The following RRBP1 variants were observed in gnomAD, a reference collection of about 807,000 sequenced individuals.
The protein encoded by RRBP1 is ribosome binding protein 1, also known as ribosome-binding protein 1.
A neutral mutation model predicts 165.2 loss-of-function variants in RRBP1; 94 were observed. That is an observed-to-expected ratio of 0.57 (90% CI 0.48 to 0.68). The LOEUF is 0.68. Among genes scored for constraint, RRBP1 ranks in the 30% least tolerant of loss-of-function variants. The pLI, the probability that RRBP1 is intolerant of heterozygous loss-of-function variation, is 0.00. For synonymous variants in RRBP1, 680 were observed against 714.5 expected (o/e 0.95, Z 0.77); for missense variants, 1,676 against 1,763.0 (o/e 0.95, Z 0.88).
Position 17,614,111 on chromosome 20 carries a change from G to T in RRBP1, c.*71C>A. On this transcript the variant is annotated 3_prime_UTR_variant, in exon 25 of 25. Coordinates refer to ENST00000377813, the MANE Select transcript of RRBP1 (RefSeq NM_001365613.2). ...CTGGATAACGCTGTGTAGGTTGGTT[G>T]GTTTATTTGTAAGGAATGTGTAAGG... The T allele has an allele frequency of 6.7e-7, 1 of 1,484,918 alleles. No homozygotes were observed. The highest frequency in any genetic ancestry group is 1.1e-5 in the South Asian group (1 of 88,384). 92.0% of individuals were successfully genotyped at this position (1,484,918 alleles called of 1,614,324 possible). A position where few individuals can be genotyped will look rare whatever the true frequency, so the allele number is the denominator to read the frequency against.
intron 5 of RRBP1, among the ~76,000 whole-genome samples, chr20:17,639,963 C>G (rs1014009785): frequency 5.3e-5 from 8 of 151,466 alleles, no homozygotes; most frequent in African/African-American, 7.3e-5. Flanking sequence ...ACAGAGAGCA[C>G]GAGCACAGGG....
intron 3 of RRBP1, among the ~76,000 whole-genome samples, chr20:17,657,929 C>T (rs939445529): frequency 6.6e-5 from 10 of 152,232 alleles, no homozygotes; most frequent in Non-Finnish European, 1.3e-4. Context: ...CCGAGTCAGG[C>T]TGCACAAAAG....
At chr20:17,637,043 G>A (rs2122337465) in intron 5 of RRBP1, among the ~76,000 whole-genome samples, 1 of 152,208 alleles carries the variant, frequency 6.6e-6, no homozygotes, top group East Asian at 1.9e-4. Flanking sequence ...GCACTGGCTC[G>A]GCCCTGCTGT....
chr20:17,671,868 T>TC (rs572280844), intron 2 of RRBP1, among the ~76,000 whole-genome samples: 124 of 152,336 alleles, frequency 8.1e-4, no homozygotes, highest in African/African-American at 2.9e-3. Flanking sequence ...GTCCAGGCCA[T>TC]CCAGCAAGTT....
intron 21 of RRBP1, 131 bp from the exon 22 acceptor site, chr20:17,616,140 G>A: frequency 2.7e-6 from 2 of 739,260 alleles, no homozygotes; most frequent in East Asian, 2.8e-5. Context: ...TCCCCTCGTT[G>A]GGGAGAGGGC....
rs972549218 is a variant in RRBP1, at chr20:17,614,735, A to C, written c.4194+2T>G. On this transcript the variant is annotated splice_donor_variant, in intron 24 of 24. Transcript: ENST00000377813. LOFTEE classifies it high-confidence loss of function. ...CGCCCTGCTTTGGCGCCAGGCACGC[A>C]CTGCCTTTTCCAGCTGTTCCTGCAG... 2 of 1,611,438 alleles carry C rather than the reference A, an allele frequency of 1.2e-6. No individual in the cohort carries two copies. The highest frequency in any genetic ancestry group is 3.3e-5 in the Admixed American group (2 of 60,018).
chr20:17,648,520 C>A (rs968716067), intron 3 of RRBP1, among the ~76,000 whole-genome samples: 2 of 152,246 alleles, frequency 1.3e-5, no homozygotes, highest in Non-Finnish European at 2.9e-5. Context: ...ATGCCACGAA[C>A]GGTCACATCC....
chr20:17,616,870 C>T, intron 20 of RRBP1, 31 bp from the exon 21 acceptor site: 1 of 1,526,922 alleles, frequency 6.5e-7, no homozygotes, highest in South Asian at 1.1e-5. Context: ...TTTGCAAATG[C>T]ACAGCCAGTC....
At chr20:17,627,716 G>A in intron 9 of RRBP1, 34 bp from the exon 10 acceptor site, 1 of 1,553,316 alleles carries the variant, frequency 6.4e-7, no homozygotes, top group Non-Finnish European at 8.7e-7. Context: ...GAAGTTAAGA[G>A]ACTGCAAACC....
rs1568781157 is a variant in RRBP1 at position 17,658,888 on chromosome 20, T to A, written c.1620A>T (p.Gly540=). The A allele has an allele frequency of 6.2e-7, 1 of 1,613,540 alleles. No homozygotes were observed. Among genetic ancestry groups the A allele is most frequent in the East Asian group, 2.2e-5 (1 of 44,884 alleles). The change falls in exon 3 of 25, where the codon GGA becomes GGT. Residue 540 remains glycine, a synonymous_variant. Transcript: ENST00000377813. ...AERSPNQGKK[G]EGAPIQGKKA... is the part of the protein sequence containing the mutation. ...TTTTGCCCTGGATGGGAGCTCCCTCTCCTTTTTTGCCTTGGTTGGGACTCC... is the reference window on the plus strand; with the variant it reads ...TTTTGCCCTGGATGGGAGCTCCCTCACCTTTTTTGCCTTGGTTGGGACTCC...
intron 3 of RRBP1, among the ~76,000 whole-genome samples, chr20:17,657,092 T>C (rs898748696): frequency 6.6e-6 from 1 of 152,258 alleles, no homozygotes; most frequent in Non-Finnish European, 1.5e-5. Context: ...TGGACATGCC[T>C]GATGTGGAAG....
At position 17,621,501 on chromosome 20, in the gene RRBP1, A is replaced by G; in HGVS notation, c.3371T>C (p.Leu1124Pro). The G allele has an allele frequency of 6.2e-7, 1 of 1,612,952 alleles. No individual in the cohort carries two copies. Among genetic ancestry groups the G allele is most frequent in the Non-Finnish European group, 8.5e-7 (1 of 1,179,994 alleles). The change falls in exon 16 of 25, where the codon CTG becomes CCG. Residue 1124 changes from leucine to proline, a missense_variant. By Grantham distance (98) the Leu-to-Pro change is moderately conservative. Coordinates refer to ENST00000377813, the MANE Select transcript of RRBP1 (RefSeq NM_001365613.2). ...GCGGTACTGGTCACACTCGGCCTGCAGTGTGCTCTGCGTCTCCTCGGCCTC... is the reference window on the plus strand; with the variant it reads ...GCGGTACTGGTCACACTCGGCCTGCGGTGTGCTCTGCGTCTCCTCGGCCTC... ...LREAEETQSTLQAECDQYRSI... is the reference protein window; with the variant it reads ...LREAEETQSTPQAECDQYRSI...
chr20:17,641,156 CA>C (rs1163447131), intron 5 of RRBP1, among the ~76,000 whole-genome samples: 1 of 152,238 alleles, frequency 6.6e-6, no homozygotes, highest in Non-Finnish European at 1.5e-5. Context: ...GTGAATTCTG[CA>C]GTGGGAAGAA....
rs192767127 is a variant in RRBP1, at chr20:17,622,277, G to A, written c.3148-330C>T. The stretch of plus-strand genomic sequence containing the variant: ...CAGCTCTCACTTCCCGAGCTCTCTG[G>A]GCATGTGTGCATGTGTGGGGGAATT... On this transcript the variant is annotated intron_variant, in intron 13 of 24. Coordinates refer to ENST00000377813, the MANE Select transcript of RRBP1 (RefSeq NM_001365613.2). Among the ~76,000 whole-genome samples, 148 of 152,290 alleles carry A rather than the reference G, an allele frequency of 9.7e-4. 1 individual carries two copies. Among genetic ancestry groups the A allele is most frequent in the Non-Finnish European group, 1.7e-3 (116 of 68,022 alleles).
At chr20:17,639,667 G>C (rs925439351) in intron 5 of RRBP1, among the ~76,000 whole-genome samples, 2 of 152,196 alleles carry the variant, frequency 1.3e-5, no homozygotes, top group Admixed American at 1.3e-4. Flanking sequence ...GCCGAGGTGG[G>C]CGGATCACCT....
chr20:17,659,895 T>A lies in RRBP1; in HGVS notation c.613A>T (p.Thr205Ser). Residue 205 changes from threonine (T) to serine (S), a missense_variant, in exon 3 of 25, where the codon ACT (threonine) becomes TCT (serine). Transcript: ENST00000377813. ...GTTQGKKAEG[T>S]QNQSKKAEGA... ...TCAGCCTTTTTGCTTTGATTCTGAGTCCCCTCCGCCTTTTTGCCCTGAGTA... is the reference window on the plus strand; with the variant it reads ...TCAGCCTTTTTGCTTTGATTCTGAGACCCCTCCGCCTTTTTGCCCTGAGTA... 1.9e-6 allele frequency: 3 copies of A among 1,553,418 alleles called. No individual in the cohort carries two copies. Among genetic ancestry groups the A allele is most frequent in the Non-Finnish European group, 2.6e-6 (3 of 1,147,988 alleles).
intron 2 of RRBP1, among the ~76,000 whole-genome samples, chr20:17,678,584 C>G (rs1370840505): frequency 6.6e-6 from 1 of 152,160 alleles, no homozygotes; most frequent in Non-Finnish European, 1.5e-5. Context: ...TCAAGAGGAA[C>G]AGGGACATGA....
chr20:17,627,673 C>T lies in RRBP1; in HGVS notation c.2759G>A (p.Ser920Asn). ...EQQQQMAELH[S>N]KLQSSEAEVR... ...CTCCGCCTCGGAGGACTGTAACTTG[C>T]TGTGCAGCTCTGGTGCAGAGGAAGG... Residue 920 changes from serine to asparagine, a missense_variant, in exon 10 of 25, where the codon AGC becomes AAC. Ser to Asn is a conservative substitution (Grantham distance 46). Transcript: ENST00000377813. 1.9e-6 allele frequency: 3 copies of T among 1,599,182 alleles called. No individual in the cohort carries two copies. The highest frequency in any genetic ancestry group is 2.6e-6 in the Non-Finnish European group (3 of 1,171,726).
At chr20:17,674,563 A>C (rs2037038618) in intron 2 of RRBP1, among the ~76,000 whole-genome samples, 1 of 152,038 alleles carries the variant, frequency 6.6e-6, no homozygotes, top group Non-Finnish European at 1.5e-5. Flanking sequence ...GGAGATCGAG[A>C]CCATCCTGGC....
Sources: allele counts gnomAD v4.1 joint callset (sites outside exome capture counted in the v4.1 genomes callset), GRCh38; gene constraint gnomAD v4.1.1; transcripts MANE v1.5; gene names NCBI Gene and HGNC (gene_info 2026-07-23, HGNC 2026-07-21).